RASGEF1A: variants seen among roughly 807,000 people sequenced by gnomAD.
RASGEF1A encodes the protein RasGEF domain family member 1A.
Under a neutral mutation model 56.4 loss-of-function variants are expected in RASGEF1A, and 18 were observed. The ratio of observed to expected loss-of-function variants is 0.32; its 90% CI spans 0.22 to 0.47. The LOEUF is 0.47. RASGEF1A is among the 20% of genes least tolerant of loss of function. The pLI is 1.00. For synonymous variants in RASGEF1A, 245 were observed against 242.6 expected (o/e 1.01, Z -0.09); for missense variants, 422 against 627.1 (o/e 0.67, Z 3.49).
rs759794976 is a variant in RASGEF1A at position 43,196,595 on chromosome 10, CT to C, written c.1349-48del. 1.3e-6 allele frequency: 2 copies of C among 1,553,810 alleles called. No individual in the cohort carries two copies. Among genetic ancestry groups the C allele is most frequent in the Admixed American group, 3.3e-5 (2 of 59,926 alleles). On this transcript the variant is annotated intron_variant, in intron 11 of 12. Transcript: ENST00000395810. This position sits in a 1 kb window ranked among gnomAD's most constrained non-coding sequence, Gnocchi z 4.6. ...CAGAGCCTGTGTCCCCATGCAGTGTCTGCCTGAACCCAGCTGTCCCTTCAGG... is the reference window on the plus strand; with the variant it reads ...CAGAGCCTGTGTCCCCATGCAGTGTCGCCTGAACCCAGCTGTCCCTTCAGG...
intron 1 of RASGEF1A, 69 bp from the exon 2 acceptor site, chr10:43,206,191 G>A: frequency 3.8e-6 from 5 of 1,321,152 alleles, no homozygotes; most frequent in Non-Finnish European, 5.3e-6. Flanking sequence ...CTCCTCCCAG[G>A]CAGCCTGCAG....
chr10:43,212,580 T>A (rs1288270580), intron 1 of RASGEF1A, among the ~76,000 whole-genome samples: 4 of 152,224 alleles, frequency 2.6e-5, no homozygotes, highest in Admixed American at 2.6e-4. Context: ...AACCTCATGG[T>A]GGCTGTGGGG....
In RASGEF1A at chr10:43,196,441, C is replaced by T. The variant is rs1839799199; in HGVS notation, c.1421+35G>A. Reference sequence around the variant, plus strand: ...GTGCCCACCCTGAGTCCTCCCTCTTCCTTACAGACTCCCATGTTCCTGACG... The same window carrying T: ...GTGCCCACCCTGAGTCCTCCCTCTTTCTTACAGACTCCCATGTTCCTGACG... On this transcript the variant is annotated intron_variant, in intron 12 of 12. Coordinates refer to ENST00000395810, the MANE Select transcript of RASGEF1A (RefSeq NM_145313.4). The surrounding 1 kb of genome is among the most constrained non-coding windows in gnomAD (Gnocchi z 4.6). 1.9e-6 allele frequency: 3 copies of T among 1,605,690 alleles called. No individual in the cohort carries two copies. Among genetic ancestry groups the T allele is most frequent in the Middle Eastern group, 1.6e-4 (1 of 6,074 alleles).
At chr10:43,223,537 C>T (rs1840235737) in intron 1 of RASGEF1A, among the ~76,000 whole-genome samples, 1 of 152,090 alleles carries the variant, frequency 6.6e-6, no homozygotes, top group African/African-American at 2.4e-5. Context: ...AAACACTAAG[C>T]ACTTGATTCA....
chr10:43,225,359 GTCTC>G (rs957055520), intron 1 of RASGEF1A, among the ~76,000 whole-genome samples: 2 of 150,254 alleles, frequency 1.3e-5, no homozygotes, highest in Non-Finnish European at 3.0e-5. Flanking sequence ...GTGTCTGTGT[GTCTC>G]TCTACGTCTG....
At chr10:43,202,039 C>A in intron 3 of RASGEF1A, 94 bp from the exon 4 acceptor site, 1 of 1,372,180 alleles carries the variant, frequency 7.3e-7, no homozygotes, top group Non-Finnish European at 9.8e-7. Flanking sequence ...CCAAGCCACA[C>A]CCCAGGCCCT....
chr10:43,201,730 C>T lies in RASGEF1A; in HGVS notation c.459+78G>A, dbSNP rs868666926. On this transcript the variant is annotated intron_variant, in intron 4 of 12. Coordinates refer to ENST00000395810, the MANE Select transcript of RASGEF1A (RefSeq NM_145313.4). ...GGAAGGGGACCACATACAGAGTTGT[C>T]CCCGAAGCCCCCACCCTCCCGAGGG... The T allele has an allele frequency of 4.7e-5, 66 of 1,398,616 alleles. No homozygotes were observed. In the South Asian group the frequency reaches 8.9e-4, roughly 19 times the overall value. 86.6% of individuals were successfully genotyped at this position (1,398,616 alleles called of 1,614,324 possible).
intron 1 of RASGEF1A, among the ~76,000 whole-genome samples, chr10:43,242,900 G>A (rs1010239589): frequency 3.3e-5 from 5 of 152,172 alleles, no homozygotes; most frequent in African/African-American, 4.8e-5. Context: ...CCTCCCAGCC[G>A]CCTGCCTTGG....
intron 10 of RASGEF1A, 142 bp from the exon 11 acceptor site, chr10:43,197,241 G>A: frequency 1.0e-6 from 1 of 1,000,862 alleles, no homozygotes; most frequent in Non-Finnish European, 1.5e-6. Context: ...CCTGCACGCT[G>A]ACCCCGTGGC....
intron 2 of RASGEF1A, 135 bp downstream of exon 2, chr10:43,205,784 G>T (rs1839985409): frequency 2.9e-6 from 2 of 700,042 alleles, no homozygotes; most frequent in Admixed American, 2.5e-5. Flanking sequence ...GGTGGGCCTG[G>T]GCCCCCCACT....
At chr10:43,249,973 C>A (rs567310838) in intron 1 of RASGEF1A, among the ~76,000 whole-genome samples, 12 of 152,352 alleles carry the variant, frequency 7.9e-5, no homozygotes, top group Non-Finnish European at 1.5e-4. Flanking sequence ...CGGGGAAAGT[C>A]CCCTGGGGAG....
intron 2 of RASGEF1A, 68 bp from the exon 3 acceptor site, chr10:43,203,488 C>T (rs989244713): frequency 4.8e-6 from 7 of 1,457,038 alleles, no homozygotes; most frequent in Non-Finnish European, 6.4e-6. Flanking sequence ...CACCGCGCTG[C>T]TTCACCTGGC....
At chr10:43,248,243 C>G (rs1324756725) in intron 1 of RASGEF1A, among the ~76,000 whole-genome samples, 1 of 151,666 alleles carries the variant, frequency 6.6e-6, no homozygotes, top group African/African-American at 2.4e-5. Context: ...GTAATCCCAG[C>G]TACTTGGGAG....
chr10:43,260,774 C>T (rs1451162788), intron 1 of RASGEF1A, among the ~76,000 whole-genome samples: 2 of 152,226 alleles, frequency 1.3e-5, no homozygotes, highest in Admixed American at 6.5e-5. Context: ...CCTCGACGGC[C>T]GTGATCCACA....
chr10:43,208,815 TCCAGGGCTCAGTG>T, intron 1 of RASGEF1A: 4 of 985,480 alleles, frequency 4.1e-6, no homozygotes, highest in Non-Finnish European at 4.8e-6. Flanking sequence ...GAGGAGGGTC[TCCAGGGCTCAGTG>T]CCAAGTGGAG....
chr10:43,200,972 A>AG (rs1839887986), intron 4 of RASGEF1A, 84 bp from the exon 5 acceptor site: 4 of 1,301,112 alleles, frequency 3.1e-6, no homozygotes, highest in Admixed American at 1.8e-5. Context: ...TCTCACCTCC[A>AG]GGGATGTGCC....
Position 43,196,365 on chromosome 10 carries a change from G to A in RASGEF1A, c.1422-97C>T, listed in dbSNP as rs1462630827. On this transcript the variant is annotated intron_variant, in intron 12 of 12. Coordinates refer to ENST00000395810, the MANE Select transcript of RASGEF1A (RefSeq NM_145313.4). The surrounding 1 kb of genome is among the most constrained non-coding windows in gnomAD (Gnocchi z 4.6). ...CCACCAAACATGCACCAGGGACCCTGGACCAGGGACGCGGCAGTGCCCAGG... is the reference window on the plus strand; with the variant it reads ...CCACCAAACATGCACCAGGGACCCTAGACCAGGGACGCGGCAGTGCCCAGG... The A allele has an allele frequency of 6.4e-7, 1 of 1,566,994 alleles. No homozygotes were observed. The highest frequency in any genetic ancestry group is 8.8e-7 in the Non-Finnish European group (1 of 1,138,720).
At chr10:43,251,733 C>T (rs1345426944) in intron 1 of RASGEF1A, among the ~76,000 whole-genome samples, 1 of 152,182 alleles carries the variant, frequency 6.6e-6, no homozygotes, top group Non-Finnish European at 1.5e-5. Flanking sequence ...GGAATCCACA[C>T]TCTCTGGCTC....
Position 43,229,550 on chromosome 10 carries a change from A to G in RASGEF1A, c.-6-23428T>C, listed in dbSNP as rs931838750. 3.4e-6 allele frequency: 4 copies of G among 1,186,738 alleles called. No homozygotes were observed. The South Asian group carries it at 4.1e-5, about 12-fold the overall frequency. 73.5% of individuals were successfully genotyped at this position (1,186,738 alleles called of 1,614,324 possible). A position where few individuals can be genotyped will look rare whatever the true frequency, so the allele number is the denominator to read the frequency against. ...CGGGCACCCTCCCGCACGGGTCGGG[A>G]TGCAGGGGACCGTCGCACCCCTCCC... On this transcript the variant is annotated intron_variant, in intron 1 of 12. Transcript: ENST00000395810.
Sources: allele counts gnomAD v4.1 joint callset (sites outside exome capture counted in the v4.1 genomes callset), GRCh38; gene constraint gnomAD v4.1.1; non-coding constraint Gnocchi (gnomAD v3.1); transcripts MANE v1.5; gene names NCBI Gene and HGNC (gene_info 2026-07-23, HGNC 2026-07-21).